Variants in FREM2 observed in about 807,000 individuals in gnomAD.
The protein encoded by FREM2 is FRAS1 related extracellular matrix 2, also known as FRAS1-related extracellular matrix protein 2.
Under a neutral mutation model 219.9 loss-of-function variants are expected in FREM2, and 119 were observed. The observed-to-expected ratio is 0.54, with a 90% CI of 0.47 to 0.63. The LOEUF is 0.63. Among genes scored for constraint, FREM2 ranks in the 30% least tolerant of loss-of-function variants. FREM2 has a pLI of 0.00. For missense variants in FREM2, 4,030 were observed against 3,993.6 expected (o/e 1.01, Z -0.25); for synonymous variants, 1,562 against 1,522.8 (o/e 1.03, Z -0.60).
intron 4 of FREM2, among the ~76,000 whole-genome samples, chr13:38,771,042 A>G (rs556384242): frequency 2.6e-5 from 4 of 152,330 alleles, no homozygotes; most frequent in Middle Eastern, 3.4e-3. Context: ...CAAAGATACA[A>G]TCTACAGAGT....
At chr13:38,693,010 G>A (rs1008758362) in intron 1 of FREM2, among the ~76,000 whole-genome samples, 1 of 152,110 alleles carries the variant, frequency 6.6e-6, no homozygotes, top group Non-Finnish European at 1.5e-5. Context: ...GCTCTGACAC[G>A]GTTATAGTTG....
Position 38,812,627 on chromosome 13 carries a change from T to A in FREM2, c.6019+27819T>A, listed in dbSNP as rs1281570482. Among the ~76,000 whole-genome samples, 13 of 152,206 alleles carry A rather than the reference T, an allele frequency of 8.5e-5. No individual in the cohort carries two copies. In the South Asian group the frequency reaches 1.5e-3, roughly 17 times the overall value. Reference sequence around the variant, plus strand: ...TGGGCATGGAGGCTCATACCTGTAATCCCAACATGTTGGGAGGCTAAGGCA... The same window carrying A: ...TGGGCATGGAGGCTCATACCTGTAAACCCAACATGTTGGGAGGCTAAGGCA... On this transcript the variant is annotated intron_variant, in intron 6 of 23. Transcript: ENST00000280481.
chr13:38,864,805 G>A (rs768935317), intron 16 of FREM2, among the ~76,000 whole-genome samples, 199 bp downstream of exon 16: 2 of 148,676 alleles, frequency 1.3e-5, no homozygotes, highest in African/African-American at 2.6e-5. Flanking sequence ...AATATACGTA[G>A]TTTTTGACAA....
rs955193945 is a variant in FREM2, at chr13:38,843,699, A to G, written c.6020-2874A>G. On this transcript the variant is annotated intron_variant, in intron 6 of 23. Coordinates refer to ENST00000280481, the MANE Select transcript of FREM2 (RefSeq NM_207361.6). ...TGTGTCTTTAACTCATTCATATTACATAAGGTTTTCTCCCAGTGGTAATGA... is the reference window on the plus strand; with the variant it reads ...TGTGTCTTTAACTCATTCATATTACGTAAGGTTTTCTCCCAGTGGTAATGA... 2.6e-5 allele frequency among the ~76,000 whole-genome samples: 4 copies of G among 152,292 alleles called. No homozygotes were observed. The East Asian group carries it at 7.7e-4, about 29-fold the overall frequency.
chr13:38,881,911 C>G lies in FREM2; in HGVS notation c.*1124C>G. ...TTAGCTTTCTATCCAGCATCTGGTCCAAACGATGGGACTCTCTGCAACTAT... is the reference window on the plus strand; with the variant it reads ...TTAGCTTTCTATCCAGCATCTGGTCGAAACGATGGGACTCTCTGCAACTAT... On this transcript the variant is annotated 3_prime_UTR_variant, in exon 24 of 24. Transcript: ENST00000280481. 6.6e-6 allele frequency: 1 copy of G among 152,058 alleles called. No individual in the cohort carries two copies. The highest frequency in any genetic ancestry group is 2.1e-4 in the South Asian group (1 of 4,802). The allele number at this position is 152,058 out of a possible 1,614,324, so 9.4% of individuals were successfully genotyped here. A position where few individuals can be genotyped will look rare whatever the true frequency, so the allele number is the denominator to read the frequency against.
rs774673796 is a variant in FREM2 at position 38,769,644 on chromosome 13, T to G, written c.5477T>G (p.Val1826Gly). 1.7e-5 allele frequency: 28 copies of G among 1,614,156 alleles called. No individual in the cohort carries two copies. Among genetic ancestry groups the G allele is most frequent in the Non-Finnish European group, 2.4e-5 (28 of 1,180,014 alleles). ...KDFKGKAQKQVQFNPGQTRAT... is the reference protein window; with the variant it reads ...KDFKGKAQKQGQFNPGQTRAT... Reference sequence around the variant, plus strand: ...TTCAAGGGCAAAGCACAGAAACAAGTGCAGTTCAACCCAGGCCAGACCAGG... The same window carrying G: ...TTCAAGGGCAAAGCACAGAAACAAGGGCAGTTCAACCCAGGCCAGACCAGG... Residue 1826 changes from valine (V) to glycine (G), a missense_variant, in exon 4 of 24, where the codon GTG (valine) becomes GGG (glycine). Transcript: ENST00000280481.
chr13:38,845,678 A>G (rs368158293), intron 6 of FREM2, among the ~76,000 whole-genome samples: 2 of 151,798 alleles, frequency 1.3e-5, no homozygotes, highest in East Asian at 3.8e-4. Context: ...CTCAAAATAA[A>G]TTTTTTTTTA....
chr13:38,708,846 G>T lies in FREM2; in HGVS notation c.5263+11059G>T, dbSNP rs1025610584. On this transcript the variant is annotated intron_variant, in intron 2 of 23. Coordinates refer to ENST00000280481, the MANE Select transcript of FREM2 (RefSeq NM_207361.6). The stretch of plus-strand genomic sequence containing the variant: ...GCGATCTTGGCTCACTGCAACCTCT[G>T]CCTCACAGGTTCAAGCAATTCTCCT... 6.6e-5 allele frequency among the ~76,000 whole-genome samples: 10 copies of T among 152,132 alleles called. No homozygotes were observed. The East Asian group carries it at 1.7e-3, about 27-fold the overall frequency.
At chr13:38,827,703 A>T (rs1876348133) in intron 6 of FREM2, 1 of 152,134 alleles carries the variant, frequency 6.6e-6, no homozygotes, top group Admixed American at 6.6e-5. Flanking sequence ...GAATGGAAAG[A>T]CACAAACTTT....
chr13:38,847,334 A>T (rs1877201942), intron 7 of FREM2, among the ~76,000 whole-genome samples: 1 of 152,124 alleles, frequency 6.6e-6, no homozygotes, highest in Non-Finnish European at 1.5e-5. Flanking sequence ...AAACTTTCTC[A>T]TGTACACACA....
intron 14 of FREM2, among the ~76,000 whole-genome samples, chr13:38,860,436 A>G (rs1395471044): frequency 6.6e-6 from 1 of 152,200 alleles, no homozygotes; most frequent in Non-Finnish European, 1.5e-5. Context: ...TATATATTTG[A>G]TTCTATTTCT....
intron 4 of FREM2, among the ~76,000 whole-genome samples, chr13:38,780,995 CA>C (rs1874094988): frequency 6.6e-6 from 1 of 152,220 alleles, no homozygotes; most frequent in South Asian, 2.1e-4. Context: ...TCTGAATAAA[CA>C]GCACTTGCTT....
At chr13:38,781,179 C>A (rs2496404) in intron 4 of FREM2, among the ~76,000 whole-genome samples, 1 of 152,020 alleles carries the variant, frequency 6.6e-6, no homozygotes, top group East Asian at 1.9e-4. Context: ...TTCAAGCACA[C>A]TGGCCTCCTG....
intron 4 of FREM2, among the ~76,000 whole-genome samples, chr13:38,780,062 T>A (rs772814713): frequency 6.6e-6 from 1 of 152,208 alleles, no homozygotes; most frequent in Non-Finnish European, 1.5e-5. Context: ...GACTCGTGGC[T>A]CTACATACCA....
At chr13:38,865,525 GC>G (rs1429350537) in intron 16 of FREM2, among the ~76,000 whole-genome samples, 2 of 152,136 alleles carry the variant, frequency 1.3e-5, no homozygotes, top group African/African-American at 4.8e-5. Context: ...AAGTTAGGCT[GC>G]CCTTTTTTGT....
At chr13:38,864,794 G>C (rs1877899485) in intron 16 of FREM2, among the ~76,000 whole-genome samples, 188 bp downstream of exon 16, 1 of 151,686 alleles carries the variant, frequency 6.6e-6, no homozygotes, top group Non-Finnish European at 1.5e-5. Flanking sequence ...CAATGGGCCA[G>C]AATATACGTA....
intron 2 of FREM2, among the ~76,000 whole-genome samples, chr13:38,738,094 G>A (rs1872072280): frequency 6.6e-6 from 1 of 152,162 alleles, no homozygotes. Context: ...AATCACAGAA[G>A]CAGGTTTGAC....
intron 2 of FREM2, among the ~76,000 whole-genome samples, chr13:38,748,090 C>G (rs1872560885): frequency 6.6e-6 from 1 of 152,040 alleles, no homozygotes; most frequent in Admixed American, 6.5e-5. Flanking sequence ...TAACCTTTGT[C>G]TCTTCTGAGA....
Position 38,687,769 on chromosome 13 carries a change from G to A in FREM2, c.425G>A (p.Gly142Asp), listed in dbSNP as rs1490357360. ...GPGEVRYSHL[G>D]ARSPSRDRVR... ...GGCGAGGTGCGCTACTCTCACCTGG[G>A]CGCGCGCAGCCCGTCTCGGGACCGC... is the stretch of plus-strand genomic sequence containing the variant. The change falls in exon 1 of 24, where the codon GGC becomes GAC. Residue 142 changes from glycine to aspartate, a missense_variant. Transcript: ENST00000280481. 1 of 1,539,738 alleles carries A rather than the reference G, an allele frequency of 6.5e-7. No individual in the cohort carries two copies. The highest frequency in any genetic ancestry group is 2.3e-5 in the East Asian group (1 of 43,792).
Sources: allele counts gnomAD v4.1 joint callset (sites outside exome capture counted in the v4.1 genomes callset), GRCh38; gene constraint gnomAD v4.1.1; transcripts MANE v1.5; gene names NCBI Gene and HGNC (gene_info 2026-07-23, HGNC 2026-07-21).